TBC1D22A: variants seen among roughly 807,000 people sequenced by gnomAD.
TBC1D22A encodes putative GTPase activator.
A neutral mutation model predicts 60.2 loss-of-function variants in TBC1D22A; 38 were observed. The ratio of observed to expected loss-of-function variants is 0.63; its 90% CI spans 0.49 to 0.83. The LOEUF is 0.83. Among genes scored for constraint, TBC1D22A ranks in the 40% least tolerant of loss-of-function variants. The pLI is 0.00. For missense variants in TBC1D22A, 628 were observed against 701.0 expected, an observed-to-expected ratio of 0.90 and a Z score of 1.18; for synonymous variants, 302 against 281.7, an observed-to-expected ratio of 1.07 and a Z score of -0.72.
intron 12 of TBC1D22A, among the ~76,000 whole-genome samples, chr22:47,123,633 G>C (rs1294698139): frequency 6.6e-6 from 1 of 152,222 alleles, no homozygotes; most frequent in East Asian, 1.9e-4. Context: ...CCTTCGACAG[G>C]CTAATGGCTT....
intron 1 of TBC1D22A, chr22:46,774,061 G>T: frequency 1.0e-6 from 1 of 985,626 alleles, no homozygotes; most frequent in Non-Finnish European, 1.2e-6. Flanking sequence ...GGGCTGGCTT[G>T]GGTGGAGGTG....
intron 12 of TBC1D22A, among the ~76,000 whole-genome samples, chr22:47,130,986 C>T (rs1197138777): frequency 6.6e-6 from 1 of 152,192 alleles, no homozygotes; most frequent in African/African-American, 2.4e-5. Flanking sequence ...GAAGCTTTTC[C>T]TTATGGTGAG....
chr22:47,059,280 C>T lies in TBC1D22A; in HGVS notation c.1329+22082C>T, dbSNP rs184030536. Among the ~76,000 whole-genome samples the T allele has an allele frequency of 6.6e-5, 10 of 152,310 alleles. No individual in the cohort carries two copies. The South Asian group carries it at 1.5e-3, about 22-fold the overall frequency. ...TTGAACACACTGGTGTGGGTGCGCA[C>T]GCGTCTGGTGTGGGAGCCCTTTCTT... On this transcript the variant is annotated intron_variant, in intron 11 of 12. Transcript: ENST00000337137.
At chr22:47,050,285 A>G (rs181804289) in intron 11 of TBC1D22A, among the ~76,000 whole-genome samples, 2,004 of 150,966 alleles carry the variant, frequency 0.013, 18 homozygotes, top group Middle Eastern at 0.035. Context: ...GATTACAGAC[A>G]TGAGCCACCG....
At chr22:46,775,613 G>A (rs188291436) in intron 1 of TBC1D22A, among the ~76,000 whole-genome samples, 2 of 152,296 alleles carry the variant, frequency 1.3e-5, no homozygotes, top group East Asian at 1.9e-4. Flanking sequence ...GCTGTGGGCC[G>A]CATTTTGTTT....
chr22:47,051,528 T>C (rs1333605003), intron 11 of TBC1D22A, among the ~76,000 whole-genome samples: 1 of 152,148 alleles, frequency 6.6e-6, no homozygotes. Context: ...TAGAACATTC[T>C]TTGATCTCAA....
chr22:47,051,065 G>A (rs527782576), intron 11 of TBC1D22A, among the ~76,000 whole-genome samples: 11 of 152,294 alleles, frequency 7.2e-5, no homozygotes, highest in East Asian at 1.9e-4. Context: ...GGGGGCTTCC[G>A]TGGGTTCTGC....
At chr22:47,109,879 T>G (rs1158324962) in intron 11 of TBC1D22A, among the ~76,000 whole-genome samples, 1 of 152,132 alleles carries the variant, frequency 6.6e-6, no homozygotes, top group African/African-American at 2.4e-5. Context: ...CCTCTTGAAT[T>G]TCTGATGACC....
chr22:46,957,033 T>C (rs2073233796), intron 8 of TBC1D22A, among the ~76,000 whole-genome samples: 1 of 152,206 alleles, frequency 6.6e-6, no homozygotes, highest in South Asian at 2.1e-4. Context: ...GGCAGGTCCC[T>C]GAAGGCTCGC....
intron 7 of TBC1D22A, among the ~76,000 whole-genome samples, chr22:46,904,138 TCTATCTAC>T (rs369243826): frequency 0.026 from 1,415 of 55,166 alleles, 18 homozygotes; most frequent in Non-Finnish European, 0.039. Context: ...TATCTATCTA[TCTATCTAC>T]CTACCTACCT....
intron 4 of TBC1D22A, among the ~76,000 whole-genome samples, chr22:46,851,603 G>A (rs1320378889): frequency 1.3e-5 from 2 of 152,278 alleles, no homozygotes; most frequent in South Asian, 2.1e-4. Context: ...TAAGGACAGA[G>A]TGCGAGGAGT....
At chr22:46,901,593 C>T (rs891513534) in intron 7 of TBC1D22A, among the ~76,000 whole-genome samples, 2 of 152,168 alleles carry the variant, frequency 1.3e-5, no homozygotes, top group Admixed American at 6.5e-5. Context: ...AACATATAGT[C>T]AGTAGTTTTG....
chr22:47,109,718 C>T (rs537737248), intron 11 of TBC1D22A, among the ~76,000 whole-genome samples: 1 of 152,162 alleles, frequency 6.6e-6, no homozygotes, highest in South Asian at 2.1e-4. Context: ...TTGTTGAGGC[C>T]CATAGTGTCA....
At chr22:47,116,181 T>A (rs2066045925) in intron 12 of TBC1D22A, 1 of 152,240 alleles carries the variant, frequency 6.6e-6, no homozygotes, top group Admixed American at 6.5e-5. Context: ...TCTGCCAGCT[T>A]CCAGGAGTGC....
At chr22:46,856,604 C>A (rs1179485575) in intron 4 of TBC1D22A, among the ~76,000 whole-genome samples, 1 of 152,174 alleles carries the variant, frequency 6.6e-6, no homozygotes, top group Admixed American at 6.5e-5. Flanking sequence ...TGTGAAGTGA[C>A]TAACAAATGA....
chr22:47,064,262 G>T (rs548234926), intron 11 of TBC1D22A, among the ~76,000 whole-genome samples: 1 of 152,258 alleles, frequency 6.6e-6, no homozygotes, highest in South Asian at 2.1e-4. Flanking sequence ...ACAGGCCAGT[G>T]CAAGCTGCTC....
At chr22:46,966,240 G>A (rs536800085) in intron 8 of TBC1D22A, among the ~76,000 whole-genome samples, 17 of 152,120 alleles carry the variant, frequency 1.1e-4, no homozygotes, top group Non-Finnish European at 2.1e-4. Flanking sequence ...TTTCCAGCCC[G>A]GTCGGGCTCC....
Position 46,863,917 on chromosome 22 carries a change from C to T in TBC1D22A, c.638-14736C>T, listed in dbSNP as rs554667800. Among the ~76,000 whole-genome samples the T allele has an allele frequency of 1.8e-4, 27 of 152,256 alleles. No individual in the cohort carries two copies. The South Asian group carries it at 5.0e-3, about 28-fold the overall frequency. On this transcript the variant is annotated intron_variant, in intron 4 of 12. Transcript: ENST00000337137. ...GTCCAGGGACATAGAGCCTTCTCTGCGAGGCCTTCTCTAGCTCAGCATCTA... is the reference window on the plus strand; with the variant it reads ...GTCCAGGGACATAGAGCCTTCTCTGTGAGGCCTTCTCTAGCTCAGCATCTA...
chr22:47,114,977 A>G (rs1037284241), intron 12 of TBC1D22A, among the ~76,000 whole-genome samples: 3 of 136,244 alleles, frequency 2.2e-5, no homozygotes, highest in East Asian at 2.4e-4. Flanking sequence ...CTTCCTTGCC[A>G]TCTGTGAGCC....
Sources: gnomAD v4.1 joint callset for allele counts (sites outside exome capture counted in the v4.1 genomes callset) on GRCh38, gnomAD v4.1.1 for gene constraint, MANE v1.5 for transcripts, NCBI Gene and HGNC (gene_info 2026-07-23, HGNC 2026-07-21) for gene names.